The following DLGAP1 variants were observed in gnomAD, a reference collection of about 807,000 sequenced individuals.
DLGAP1 encodes DLG associated protein 1, also known as disks large-associated protein 1.
Under a neutral mutation model 90.8 loss-of-function variants are expected in DLGAP1, and 11 were observed. The ratio of observed to expected loss-of-function variants is 0.12; its 90% confidence interval spans 0.08 to 0.20. The LOEUF (loss-of-function observed/expected upper bound fraction) is 0.20. Among genes scored for constraint, DLGAP1 ranks in the 10% least tolerant of loss-of-function variants. The pLI, the probability that DLGAP1 is intolerant of heterozygous loss-of-function variation, is 1.00. For synonymous variants in DLGAP1, 558 were observed against 540.7 expected (o/e 1.03, Z -0.44); for missense variants, 1,050 against 1,333.8 (o/e 0.79, Z 3.31).
At chr18:4,373,092 A>T (rs2081950055) in intron 1 of DLGAP1, among the ~76,000 whole-genome samples, 1 of 152,150 alleles carries the variant, frequency 6.6e-6, no homozygotes, top group Non-Finnish European at 1.5e-5. Context: ...TTTGGCCTTT[A>T]TTCTGCTTAG....
At chr18:4,229,471 A>G (rs187661831) in intron 1 of DLGAP1, among the ~76,000 whole-genome samples, 9 of 152,264 alleles carry the variant, frequency 5.9e-5, no homozygotes, top group Admixed American at 5.9e-4. Context: ...ACTGGCATAA[A>G]AACAGACACA....
rs2050890960 is a variant in DLGAP1 at position 3,517,130 on chromosome 18, T to C, written c.2480-8469A>G. Among the ~76,000 whole-genome samples the C allele has an allele frequency of 6.6e-6, 1 of 152,208 alleles. No homozygotes were observed. Among genetic ancestry groups the C allele is most frequent in the African/African-American group, 2.4e-5 (1 of 41,452 alleles). The stretch of plus-strand genomic sequence containing the variant: ...GTTGTTCTACTTATAGAGCACACTT[T>C]ATAAGAGCACACAAATTTAGCATAA... On this transcript the variant is annotated intron_variant, in intron 10 of 12. Transcript: ENST00000315677. The surrounding 1 kb of genome is among the most constrained non-coding windows in gnomAD (Gnocchi z 4.1).
intron 7 of DLGAP1, among the ~76,000 whole-genome samples, chr18:3,634,689 T>G (rs1043161039): frequency 1.3e-5 from 2 of 152,230 alleles, no homozygotes; most frequent in Non-Finnish European, 2.9e-5. Flanking sequence ...CAAATTATGC[T>G]GTTATAGTCA....
chr18:3,550,197 C>A (rs1482462344), intron 9 of DLGAP1, among the ~76,000 whole-genome samples: 1 of 152,128 alleles, frequency 6.6e-6, no homozygotes, highest in African/African-American at 2.4e-5. Context: ...CAGGCGTGAG[C>A]CACCACGCCC....
At chr18:3,523,639 A>T (rs1391668170) in intron 10 of DLGAP1, among the ~76,000 whole-genome samples, 14 of 151,894 alleles carry the variant, frequency 9.2e-5, no homozygotes, top group East Asian at 5.9e-4. Flanking sequence ...CGAGGTCAGG[A>T]GATCGAGACC....
intron 5 of DLGAP1, among the ~76,000 whole-genome samples, chr18:3,796,928 G>A (rs1046587329): frequency 6.6e-6 from 1 of 152,194 alleles, no homozygotes; most frequent in South Asian, 2.1e-4. Flanking sequence ...ATATGTTGAG[G>A]CCCTAATGCC....
intron 2 of DLGAP1, among the ~76,000 whole-genome samples, chr18:4,062,217 G>T (rs1272116138): frequency 1.3e-5 from 2 of 152,042 alleles, no homozygotes; most frequent in Non-Finnish European, 2.9e-5. Context: ...ATAGTGATTT[G>T]CCTAAGCGCA....
intron 2 of DLGAP1, among the ~76,000 whole-genome samples, chr18:4,010,271 G>A (rs2074389962): frequency 6.6e-6 from 1 of 152,220 alleles, no homozygotes; most frequent in African/African-American, 2.4e-5. Context: ...ATTGCTGGGT[G>A]CGGTGGCTCA....
intron 1 of DLGAP1, among the ~76,000 whole-genome samples, chr18:4,416,587 T>A (rs548221065): frequency 7.2e-5 from 11 of 152,308 alleles, no homozygotes; most frequent in Admixed American, 2.6e-4. Context: ...TACAAACCTC[T>A]AGAACTCTAA....
intron 3 of DLGAP1, among the ~76,000 whole-genome samples, chr18:3,956,383 TC>T (rs2073084124): frequency 6.6e-6 from 1 of 152,160 alleles, no homozygotes; most frequent in Non-Finnish European, 1.5e-5. Context: ...GGAGTCTCGC[TC>T]TGTCGCCCAG....
At chr18:3,871,905 G>A (rs79506135) in intron 4 of DLGAP1, among the ~76,000 whole-genome samples, 6 of 152,228 alleles carry the variant, frequency 3.9e-5, no homozygotes, top group South Asian at 2.1e-4. Flanking sequence ...TGCAGTAACC[G>A]CAGGCTCACA....
Position 4,283,148 on chromosome 18 carries a change from T to C in DLGAP1, c.-266-131861A>G, listed in dbSNP as rs1360689609. 2.0e-5 allele frequency among the ~76,000 whole-genome samples: 3 copies of C among 152,178 alleles called. No individual in the cohort carries two copies. In the East Asian group the frequency reaches 5.8e-4, roughly 29 times the overall value. ...AAGGCTGAAGAACTGAAGTAATGAA[T>C]GCAACAAAGAATGTAATAATCCCAT... On this transcript the variant is annotated intron_variant, in intron 1 of 12. Coordinates refer to ENST00000315677, the MANE Select transcript of DLGAP1 (RefSeq NM_004746.4).
chr18:3,941,223 T>A lies in DLGAP1; in HGVS notation c.-72-61083A>T, dbSNP rs146476486. Among the ~76,000 whole-genome samples, 3 of 152,344 alleles carry A rather than the reference T, an allele frequency of 2.0e-5. No individual in the cohort carries two copies. In the South Asian group the frequency reaches 6.2e-4, roughly 32 times the overall value. On this transcript the variant is annotated intron_variant, in intron 3 of 12. Coordinates refer to ENST00000315677, the MANE Select transcript of DLGAP1 (RefSeq NM_004746.4). ...TGGAGGTACAAACACTTACCTTTGATTGAATTCAGAATTTGCTGGTGATCT... is the reference window on the plus strand; with the variant it reads ...TGGAGGTACAAACACTTACCTTTGAATGAATTCAGAATTTGCTGGTGATCT...
intron 4 of DLGAP1, among the ~76,000 whole-genome samples, chr18:3,835,647 CAAAAA>C (rs573083559): frequency 1.3e-5 from 1 of 79,626 alleles, no homozygotes; most frequent in Admixed American, 1.4e-4. Flanking sequence ...GGCTCCGTCT[CAAAAA>C]AAAAAAAAAA....
intron 8 of DLGAP1, among the ~76,000 whole-genome samples, chr18:3,572,068 G>GGT (rs1568218721): frequency 2.3e-5 from 3 of 127,982 alleles, no homozygotes. Flanking sequence ...GTTTCTTCTA[G>GGT]GTTTTTTTTT....
chr18:4,146,180 T>C (rs2076582630), intron 2 of DLGAP1, among the ~76,000 whole-genome samples: 1 of 152,234 alleles, frequency 6.6e-6, no homozygotes, highest in African/African-American at 2.4e-5. Context: ...TCTAGCTATG[T>C]ATGTTCAGCT....
At chr18:4,300,293 G>C (rs2143244414) in intron 1 of DLGAP1, among the ~76,000 whole-genome samples, 1 of 151,990 alleles carries the variant, frequency 6.6e-6, no homozygotes, top group Admixed American at 6.5e-5. Flanking sequence ...ATGTTTTCCT[G>C]CCACTTATAA....
chr18:4,003,921 G>A (rs1568345825), intron 3 of DLGAP1, among the ~76,000 whole-genome samples: 1 of 152,152 alleles, frequency 6.6e-6, no homozygotes, highest in Non-Finnish European at 1.5e-5. Flanking sequence ...AGACAGAGAA[G>A]TGTCAAAGAA....
chr18:3,644,719 T>G (rs2059059317), intron 7 of DLGAP1, among the ~76,000 whole-genome samples: 1 of 152,076 alleles, frequency 6.6e-6, no homozygotes, highest in Non-Finnish European at 1.5e-5. Context: ...AGCCTATTAT[T>G]TATTTATTAA....
Sources: allele counts gnomAD v4.1 joint callset (sites outside exome capture counted in the v4.1 genomes callset), GRCh38; gene constraint gnomAD v4.1.1; non-coding constraint Gnocchi (gnomAD v3.1); transcripts MANE v1.5; gene names NCBI Gene and HGNC (gene_info 2026-07-23, HGNC 2026-07-21).